The following SIMC1 variants were observed in gnomAD, a reference collection of about 807,000 sequenced individuals.
SIMC1 encodes SUMO interacting motifs containing 1, also known as SUMO-interacting motif-containing protein 1.
Under a neutral mutation model 82.3 loss-of-function variants are expected in SIMC1, and 55 were observed. The observed-to-expected ratio is 0.67, with a 90% CI of 0.54 to 0.84. The LOEUF (loss-of-function observed/expected upper bound fraction) is 0.84, where lower values mean the gene tolerates loss of function less well. SIMC1 is among the 40% of genes least tolerant of loss of function. SIMC1 has a pLI of 0.00. For missense variants in SIMC1, 915 were observed against 1,107.2 expected, an observed-to-expected ratio of 0.83 and a Z score of 2.46; for synonymous variants, 353 against 426.3, an observed-to-expected ratio of 0.83 and a Z score of 2.12.
intron 1 of SIMC1, among the ~76,000 whole-genome samples, chr5:176,260,142 A>T (rs1244617664): frequency 6.6e-6 from 1 of 152,122 alleles, no homozygotes; most frequent in African/African-American, 2.4e-5. Context: ...TGCCTGGTAC[A>T]TTGTAAGTAT....
At chr5:176,341,086 G>A (rs1195474881) in intron 9 of SIMC1, among the ~76,000 whole-genome samples, 3 of 152,214 alleles carry the variant, frequency 2.0e-5, no homozygotes, top group Admixed American at 1.3e-4. Flanking sequence ...GGCAGAGGTT[G>A]CAGTGAGCTG....
intron 4 of SIMC1, among the ~76,000 whole-genome samples, chr5:176,305,189 T>TG (rs1418194962): frequency 0.47 from 10,348 of 21,954 alleles, 1,179 homozygotes; most frequent in African/African-American, 0.52. Flanking sequence ...GGGAGGGAGG[T>TG]GGGGGGTCAG....
intron 1 of SIMC1, among the ~76,000 whole-genome samples, chr5:176,248,683 T>C (rs1355552431): frequency 6.6e-6 from 1 of 152,138 alleles, no homozygotes; most frequent in African/African-American, 2.4e-5. Flanking sequence ...TGTCTTGTGC[T>C]GGTTTTCAAA....
At chr5:176,247,421 T>C (rs1217966218) in intron 1 of SIMC1, among the ~76,000 whole-genome samples, 1 of 152,188 alleles carries the variant, frequency 6.6e-6, no homozygotes, top group Non-Finnish European at 1.5e-5. Context: ...AAGAAGTGTC[T>C]GTTTATATCC....
intron 1 of SIMC1, among the ~76,000 whole-genome samples, chr5:176,287,520 A>C (rs1763345007): frequency 6.6e-6 from 1 of 152,188 alleles, no homozygotes; most frequent in Admixed American, 6.6e-5. Context: ...TAGGAGATAT[A>C]TCTAATGTAA....
Position 176,322,212 on chromosome 5 carries a change from AT to A in SIMC1, c.1890-51del, listed in dbSNP as rs796958633. The A allele has an allele frequency of 4.3e-4, 575 of 1,334,132 alleles. 1 individual carries two copies. Among genetic ancestry groups the A allele is most frequent in the East Asian group, 3.4e-3 (119 of 35,346 alleles). The allele number at this position is 1,334,132 out of a possible 1,614,324, so 82.6% of individuals were successfully genotyped here. A position where few individuals can be genotyped will look rare whatever the true frequency, so the allele number is the denominator to read the frequency against. On this transcript the variant is annotated intron_variant, in intron 5 of 9. Transcript: ENST00000429602. ...AGACATGGAAACCTTTTCTTTCTTTATTTTTTTTTTCTGCACAGAAAAAGAA... is the reference window on the plus strand; with the variant it reads ...AGACATGGAAACCTTTTCTTTCTTTATTTTTTTTTCTGCACAGAAAAAGAA...
At chr5:176,253,852 T>A (rs997890628) in intron 1 of SIMC1, among the ~76,000 whole-genome samples, 3 of 152,182 alleles carry the variant, frequency 2.0e-5, no homozygotes, top group African/African-American at 7.2e-5. Context: ...TAATCTCGGT[T>A]TGTGTAATAG....
At chr5:176,285,464 A>G (rs1188225491) in intron 1 of SIMC1, among the ~76,000 whole-genome samples, 3 of 152,240 alleles carry the variant, frequency 2.0e-5, no homozygotes, top group Non-Finnish European at 4.4e-5. Flanking sequence ...CTCTCAATAA[A>G]TTAGTTATTG....
In SIMC1 at chr5:176,290,381, C is replaced by A. The variant is rs760195082; in HGVS notation, c.857C>A (p.Pro286His). 2 of 1,613,854 alleles carry A rather than the reference C, an allele frequency of 1.2e-6. No homozygotes were observed. Among genetic ancestry groups the A allele is most frequent in the African/African-American group, 2.7e-5 (2 of 74,930 alleles). ...PGPPQDSLGL[P>H]QDVPGLPQSI... ...CCACCTCAAGACTCTCTGGGCCTAC[C>A]TCAAGATGTGCCAGGGCTGCCTCAA... The change falls in exon 2 of 10, where the codon CCT becomes CAT. Residue 286 changes from proline (P) to histidine (H), a missense_variant. Pro to His is a moderately conservative substitution (Grantham distance 77, BLOSUM62 -2). Coordinates refer to ENST00000429602, the MANE Select transcript of SIMC1 (RefSeq NM_001308195.2).
chr5:176,280,388 C>T (rs1410492126), intron 1 of SIMC1, among the ~76,000 whole-genome samples: 1 of 152,050 alleles, frequency 6.6e-6, no homozygotes, highest in Non-Finnish European at 1.5e-5. Flanking sequence ...TGTCTTTATC[C>T]AATTTGCCAG....
chr5:176,265,197 A>G (rs1762153871), intron 1 of SIMC1, among the ~76,000 whole-genome samples: 2 of 152,162 alleles, frequency 1.3e-5, no homozygotes, highest in African/African-American at 4.8e-5. Flanking sequence ...CTGGATAGAA[A>G]TTCAACACAA....
rs553610035 is a variant in SIMC1, at chr5:176,252,764, G to T, written c.129+14127G>T. Among the ~76,000 whole-genome samples the T allele has an allele frequency of 3.3e-3, 506 of 152,256 alleles. 2 individuals are homozygous for T. The highest frequency in any genetic ancestry group is 0.012 in the African/African-American group (478 of 41,548). On this transcript the variant is annotated intron_variant, in intron 1 of 9. Transcript: ENST00000429602. Reference sequence around the variant, plus strand: ...GCGGCCGGGCAGAGGCTGCAATCTCGGCACTTTGGGGGGCCAAGGCAGGCG... The same window carrying T: ...GCGGCCGGGCAGAGGCTGCAATCTCTGCACTTTGGGGGGCCAAGGCAGGCG...
rs920255113 is a variant in SIMC1, at chr5:176,333,618, C to A, written c.2172-3102C>A. On this transcript the variant is annotated intron_variant, in intron 7 of 9. Coordinates refer to ENST00000429602, the MANE Select transcript of SIMC1 (RefSeq NM_001308195.2). ...CTAATTTTTGTATTTTTAGTAGAGA[C>A]GGGGTTTCACCGTGTTGGCCAGGCT... Among the ~76,000 whole-genome samples the A allele has an allele frequency of 4.6e-5, 7 of 152,172 alleles. No individual in the cohort carries two copies. The East Asian group carries it at 1.4e-3, about 30-fold the overall frequency.
At chr5:176,269,420 GA>G (rs1762334046) in intron 1 of SIMC1, among the ~76,000 whole-genome samples, 1 of 149,048 alleles carries the variant, frequency 6.7e-6, no homozygotes, top group Non-Finnish European at 1.5e-5. Flanking sequence ...TTTGATAAAT[GA>G]AATGGACAAA....
At chr5:176,251,696 G>T (rs1234185458) in intron 1 of SIMC1, among the ~76,000 whole-genome samples, 12 of 151,642 alleles carry the variant, frequency 7.9e-5, no homozygotes, top group Admixed American at 6.6e-4. Context: ...GTGAACAAAG[G>T]TCTCTGGTTC....
At chr5:176,296,368 A>G (rs773293245) in intron 4 of SIMC1, 48 bp downstream of exon 4, 1 of 1,612,826 alleles carries the variant, frequency 6.2e-7, no homozygotes, top group Non-Finnish European at 8.5e-7. Context: ...AGTTTTAACT[A>G]TAAAGAAAAG....
chr5:176,325,323 T>C (rs1343502462), intron 7 of SIMC1, among the ~76,000 whole-genome samples: 1 of 151,450 alleles, frequency 6.6e-6, no homozygotes, highest in East Asian at 1.9e-4. Context: ...GAGGTGGAGG[T>C]TGCAGTGAGC....
chr5:176,322,621 C>G, intron 6 of SIMC1, 196 bp downstream of exon 6: 1 of 626,406 alleles, frequency 1.6e-6, no homozygotes, highest in East Asian at 2.8e-5. Flanking sequence ...GCTTTCACCC[C>G]TAAAATGAAT....
At chr5:176,296,021 A>C in intron 3 of SIMC1, 1 of 722,094 alleles carries the variant, frequency 1.4e-6, no homozygotes, top group Admixed American at 3.1e-5. Context: ...TTGGTTTCTT[A>C]AGACAAAATT....
Sources: gnomAD v4.1 joint callset for allele counts (sites outside exome capture counted in the v4.1 genomes callset) on GRCh38, gnomAD v4.1.1 for gene constraint, MANE v1.5 for transcripts, NCBI Gene and HGNC (gene_info 2026-07-23, HGNC 2026-07-21) for gene names.